Variants in ATR observed in about 807,000 individuals in gnomAD.
ATR encodes serine/threonine-protein kinase ATR.
ATR carries 142 observed loss-of-function variants against 305.3 expected under a neutral mutation model. The ratio of observed to expected loss-of-function variants is 0.47; its 90% confidence interval spans 0.41 to 0.53. The LOEUF (loss-of-function observed/expected upper bound fraction) is 0.53, where lower values mean the gene tolerates loss of function less well. Among genes scored for constraint, ATR ranks in the 20% least tolerant of loss-of-function variants. The pLI, the probability that ATR is intolerant of heterozygous loss-of-function variation, is 0.00. For missense variants in ATR, 2,135 were observed against 3,133.1 expected, an observed-to-expected ratio of 0.68 and a Z score of 7.60; for synonymous variants, 1,050 against 1,068.1, an observed-to-expected ratio of 0.98 and a Z score of 0.33.
chr3:142,514,509 C>T (rs2032764838), intron 25 of ATR, among the ~76,000 whole-genome samples: 1 of 151,510 alleles, frequency 6.6e-6, no homozygotes, highest in South Asian at 2.1e-4. Flanking sequence ...TGGTGGGCAC[C>T]TGTAATCCCA....
intron 38 of ATR, 46 bp from the exon 39 acceptor site, chr3:142,468,114 G>T: frequency 1.3e-6 from 2 of 1,595,690 alleles, no homozygotes; most frequent in South Asian, 2.3e-5. Flanking sequence ...GTTTATACAG[G>T]ATTTTTAAAA....
chr3:142,562,686 T>C lies in ATR; in HGVS notation c.716A>G (p.Tyr239Cys), dbSNP rs777639145. The change falls in exon 4 of 47, where the codon TAT becomes TGT. Residue 239 changes from tyrosine to cysteine, a missense_variant. Around this residue, in one of 9 missense-constraint regions of ATR, gnomAD observed 744 missense variants for 873.2 expected, o/e 0.85. Coordinates refer to ENST00000350721, the MANE Select transcript of ATR (RefSeq NM_001184.4). ...LWQIGCVLLE[Y>C]GSPKIKSLAI... is the part of the protein sequence containing the mutation. ...TAGGGATTTAATTTTTGGACTACCATACTCTAGCAGAACACAACCTATCTG... is the reference window on the plus strand; with the variant it reads ...TAGGGATTTAATTTTTGGACTACCACACTCTAGCAGAACACAACCTATCTG... The C allele has an allele frequency of 6.2e-7, 1 of 1,614,100 alleles. No homozygotes were observed. Among genetic ancestry groups the C allele is most frequent in the Admixed American group, 1.7e-5 (1 of 60,008 alleles).
intron 34 of ATR, 94 bp downstream of exon 34, chr3:142,496,264 TACA>T: frequency 3.8e-6 from 1 of 264,684 alleles, no homozygotes; most frequent in Non-Finnish European, 5.8e-6. Context: ...TTTAAGGAAG[TACA>T]TAATTCCCGA....
Position 142,559,809 on chromosome 3 carries a change from T to C in ATR, c.1542-368A>G, listed in dbSNP as rs574093653. On this transcript the variant is annotated intron_variant, in intron 6 of 46. Transcript: ENST00000350721. ...AGTTCCAGCTACATGGGAGGCTCACTTGAGCCCCGGATAGAGATCAAGGCT... is the reference window on the plus strand; with the variant it reads ...AGTTCCAGCTACATGGGAGGCTCACCTGAGCCCCGGATAGAGATCAAGGCT... Among the ~76,000 whole-genome samples the C allele has an allele frequency of 3.3e-5, 5 of 152,302 alleles. No homozygotes were observed. The East Asian group carries it at 7.7e-4, about 24-fold the overall frequency.
intron 7 of ATR, 112 bp downstream of exon 7, chr3:142,559,139 A>G: frequency 1.7e-6 from 2 of 1,190,998 alleles, no homozygotes; most frequent in Non-Finnish European, 2.4e-6. Flanking sequence ...AAATCAGGAA[A>G]AAACTTCTGA....
chr3:142,497,069 G>A lies in ATR; in HGVS notation c.5682C>T (p.Tyr1894=), dbSNP rs2031692002. The change falls in exon 33 of 47, where the codon TAC becomes TAT. Residue 1894 remains tyrosine, a synonymous_variant. Transcript: ENST00000350721. ...GAGCCAGGATAGGCTCCTTGGCTCT[G>A]TAGGAATTCTGGGTCATTTCTAGTC... ...VARLEMTQNS[Y]RAKEPILALR... The A allele has an allele frequency of 2.5e-6, 4 of 1,613,906 alleles. No individual in the cohort carries two copies. Among genetic ancestry groups the A allele is most frequent in the Non-Finnish European group, 2.5e-6 (3 of 1,179,918 alleles).
chr3:142,535,918 C>T (rs1181029792), intron 20 of ATR, among the ~76,000 whole-genome samples, 190 bp downstream of exon 20: 1 of 152,148 alleles, frequency 6.6e-6, no homozygotes, highest in Non-Finnish European at 1.5e-5. Flanking sequence ...CATATTTAAT[C>T]TAAATGCTAA....
chr3:142,469,249 C>T lies in ATR; in HGVS notation c.6552+88G>A, dbSNP rs1398186124. On this transcript the variant is annotated intron_variant, in intron 38 of 46. Transcript: ENST00000350721. ...CTAATACAGGAGAGACGCCCTGGAA[C>T]TTGTATCTACATATTAGTATTACAT... is the stretch of plus-strand genomic sequence containing the variant. 1.0e-5 allele frequency: 11 copies of T among 1,091,508 alleles called. No homozygotes were observed. The Middle Eastern group carries it at 9.1e-4, about 90-fold the overall frequency. The allele number at this position is 1,091,508 out of a possible 1,614,324, so 67.6% of individuals were successfully genotyped here.
chr3:142,564,526 A>T (rs796541908), intron 3 of ATR, among the ~76,000 whole-genome samples: 15 of 152,340 alleles, frequency 9.8e-5, no homozygotes, highest in African/African-American at 3.1e-4. Context: ...TCATTCTTTC[A>T]ACTAAAATTT....
chr3:142,533,450 G>C (rs996417598), intron 21 of ATR, among the ~76,000 whole-genome samples: 1 of 152,152 alleles, frequency 6.6e-6, no homozygotes, highest in Non-Finnish European at 1.5e-5. Flanking sequence ...CTCACAGAAA[G>C]GTCCTTTGGA....
chr3:142,510,477 T>G (rs1393929363), intron 27 of ATR, among the ~76,000 whole-genome samples: 1 of 151,412 alleles, frequency 6.6e-6, no homozygotes, highest in Non-Finnish European at 1.5e-5. Flanking sequence ...GAAAAAAAAA[T>G]TAAAAAACAA....
chr3:142,541,563 T>C (rs1386544473), intron 17 of ATR, among the ~76,000 whole-genome samples: 1 of 152,102 alleles, frequency 6.6e-6, no homozygotes, highest in Non-Finnish European at 1.5e-5. Flanking sequence ...ATGAAACACA[T>C]GAAAAACACA....
chr3:142,451,344 C>A, intron 46 of ATR: 4 of 1,315,508 alleles, frequency 3.0e-6, no homozygotes, highest in Non-Finnish European at 3.9e-6. Flanking sequence ...AAAAAATTTT[C>A]AAGATTTAGT....
chr3:142,574,594 G>GT (rs1486362385), intron 1 of ATR, among the ~76,000 whole-genome samples: 5 of 152,088 alleles, frequency 3.3e-5, no homozygotes, highest in Admixed American at 1.3e-4. Context: ...GAGTATTAAT[G>GT]TAAGTATTAT....
chr3:142,485,686 T>C (rs1271283547), intron 35 of ATR, among the ~76,000 whole-genome samples: 1 of 152,182 alleles, frequency 6.6e-6, no homozygotes, highest in African/African-American at 2.4e-5. Context: ...AAAGCAGAAG[T>C]AATATCAAGT....
rs777560563 is a variant in ATR at position 142,549,484 on chromosome 3, G to A, written c.3166C>T (p.Leu1056=). The change falls in exon 15 of 47, where the codon CTG becomes TTG. Residue 1056 remains leucine, a synonymous_variant. Transcript: ENST00000350721. ...ATATAGAAATATTCAATTACCTTCAGATAATGAAGGGCACGTTCTAATTCA... is the reference window on the plus strand; with the variant it reads ...ATATAGAAATATTCAATTACCTTCAAATAATGAAGGGCACGTTCTAATTCA... ...KDELERALHY[L]KNETEIELGS... is the part of the protein sequence containing the mutation. 3.8e-6 allele frequency: 6 copies of A among 1,579,598 alleles called. No homozygotes were observed. The South Asian group carries it at 5.9e-5, about 15-fold the overall frequency.
chr3:142,504,847 CCAGA>C (rs2032156562), intron 29 of ATR, among the ~76,000 whole-genome samples: 1 of 152,078 alleles, frequency 6.6e-6, no homozygotes, highest in Non-Finnish European at 1.5e-5. Flanking sequence ...TAAATATTTT[CCAGA>C]CACTCAGTGA....
In ATR at chr3:142,497,500, G is replaced by T. The variant is rs561701612; in HGVS notation, c.5559-308C>A. Among the ~76,000 whole-genome samples the T allele has an allele frequency of 3.9e-5, 6 of 151,900 alleles. No individual in the cohort carries two copies. The South Asian group carries it at 1.2e-3, about 32-fold the overall frequency. ...GAACTCAGGAGTTCAAGGTTGCAGT[G>T]AGCTATGATTATGCCTGTGAATAGC... is the stretch of plus-strand genomic sequence containing the variant. On this transcript the variant is annotated intron_variant, in intron 32 of 46. Transcript: ENST00000350721.
chr3:142,547,944 CT>C, intron 15 of ATR, 34 bp from the exon 16 acceptor site: 1 of 1,582,848 alleles, frequency 6.3e-7, no homozygotes, highest in Non-Finnish European at 8.7e-7. Flanking sequence ...AAATTTTTTT[CT>C]TCATACTAAT....
Sources: allele counts gnomAD v4.1 joint callset (sites outside exome capture counted in the v4.1 genomes callset), GRCh38; gene constraint gnomAD v4.1.1; regional missense constraint gnomAD v4.1.1; transcripts MANE v1.5; gene names NCBI Gene and HGNC (gene_info 2026-07-23, HGNC 2026-07-21).